The following HECTD4 variants were observed in gnomAD, a reference collection of about 807,000 sequenced individuals.
HECTD4 encodes the protein probable E3 ubiquitin-protein ligase HECTD4.
HECTD4 carries 114 observed loss-of-function variants against 471.5 expected under a neutral mutation model. The observed-to-expected ratio is 0.24, with a 90% CI of 0.21 to 0.28. The LOEUF is 0.28. Among genes scored for constraint, HECTD4 ranks in the 10% least tolerant of loss-of-function variants. The pLI, the probability that HECTD4 is intolerant of heterozygous loss-of-function variation, is 1.00. For synonymous variants in HECTD4, 2,012 were observed against 2,256.0 expected, an observed-to-expected ratio of 0.89 and a Z score of 3.07; for missense variants, 3,866 against 5,651.5, an observed-to-expected ratio of 0.68 and a Z score of 10.13.
chr12:112,371,901 A>AG (rs1236081981), intron 1 of HECTD4, among the ~76,000 whole-genome samples: 2 of 150,994 alleles, frequency 1.3e-5, no homozygotes, highest in African/African-American at 4.9e-5. Flanking sequence ...AAAAAAAAAA[A>AG]AAAAAAGAAA....
At chr12:112,240,747 A>AG (rs369353771) in intron 32 of HECTD4, among the ~76,000 whole-genome samples, 118 of 152,290 alleles carry the variant, frequency 7.7e-4, no homozygotes, top group African/African-American at 2.8e-3. Context: ...CACTGTGCCT[A>AG]GCCAAGGCAG....
rs771548262 is a variant in HECTD4 at position 112,172,852 on chromosome 12, G to A, written c.11604C>T (p.Cys3868=). The change falls in exon 67 of 76, where the codon TGC becomes TGT. Residue 3868 remains cysteine, a synonymous_variant. Coordinates refer to ENST00000682272, the MANE Select transcript of HECTD4 (RefSeq NM_001388303.1). ...GYDLHFERCA[C]IDVRHAQKAS... Reference sequence around the variant, plus strand: ...CCTTCTGTGCATGTCGGACATCGATGCATGCGCACCTTGGGGTGGGGACAG... The same window carrying A: ...CCTTCTGTGCATGTCGGACATCGATACATGCGCACCTTGGGGTGGGGACAG... 2 of 1,613,806 alleles carry A rather than the reference G, an allele frequency of 1.2e-6. No individual in the cohort carries two copies. The highest frequency in any genetic ancestry group is 1.7e-6 in the Non-Finnish European group (2 of 1,179,858).
At chr12:112,317,786 C>G (rs1204700280) in intron 2 of HECTD4, among the ~76,000 whole-genome samples, 3 of 151,902 alleles carry the variant, frequency 2.0e-5, no homozygotes, top group African/African-American at 7.3e-5. Context: ...TGAGACCAGC[C>G]TGGGCAACAA....
intron 34 of HECTD4, among the ~76,000 whole-genome samples, chr12:112,238,492 C>A (rs548344566): frequency 2.0e-5 from 3 of 152,124 alleles, no homozygotes; most frequent in Non-Finnish European, 4.4e-5. Context: ...CGCCAAGGCG[C>A]GAGGACTGCT....
chr12:112,308,271 T>A (rs186921347), intron 6 of HECTD4, among the ~76,000 whole-genome samples: 9 of 152,294 alleles, frequency 5.9e-5, no homozygotes, highest in African/African-American at 2.2e-4. Flanking sequence ...GCAAGTGCCA[T>A]GGCAGAGTGC....
chr12:112,333,908 C>T (rs984321971), intron 1 of HECTD4, among the ~76,000 whole-genome samples: 1 of 152,060 alleles, frequency 6.6e-6, no homozygotes, highest in East Asian at 1.9e-4. Context: ...TGAGAGAAAA[C>T]TTCACTTTAA....
chr12:112,293,216 A>G (rs562445502), intron 7 of HECTD4, among the ~76,000 whole-genome samples: 2 of 150,206 alleles, frequency 1.3e-5, no homozygotes, highest in Admixed American at 1.3e-4. Flanking sequence ...AAATACAAAA[A>G]TTAGCTGGGT....
intron 7 of HECTD4, among the ~76,000 whole-genome samples, chr12:112,302,862 C>CTGAA (rs1422740331): frequency 1.3e-5 from 2 of 152,072 alleles, no homozygotes; most frequent in African/African-American, 4.8e-5. Context: ...TTCCTATGTG[C>CTGAA]TGAACCCCTG....
At chr12:112,229,969 G>A (rs1204102577) in intron 40 of HECTD4, 89 bp from the exon 41 acceptor site, 2 of 1,244,176 alleles carry the variant, frequency 1.6e-6, no homozygotes, top group African/African-American at 3.1e-5. Flanking sequence ...CAGTGCCTGG[G>A]TCCCATGTAT....
chr12:112,258,321 C>G lies in HECTD4; in HGVS notation c.3128+175G>C, dbSNP rs573761277. On this transcript the variant is annotated intron_variant, in intron 20 of 75. Transcript: ENST00000682272. ...GATCCATGGGGAAATTTATGCTAAC[C>G]AGTTGCTATAAATCTACAAAGCAAT... The G allele has an allele frequency of 9.3e-6, 4 of 428,414 alleles. No individual in the cohort carries two copies. The South Asian group carries it at 2.2e-4, about 24-fold the overall frequency. 26.5% of individuals were successfully genotyped at this position (428,414 alleles called of 1,614,324 possible). A position where few individuals can be genotyped will look rare whatever the true frequency, so the allele number is the denominator to read the frequency against.
At chr12:112,181,182 T>G (rs920839284) in intron 62 of HECTD4, among the ~76,000 whole-genome samples, 2 of 151,286 alleles carry the variant, frequency 1.3e-5, no homozygotes, top group African/African-American at 4.9e-5. Context: ...AAAAAAAAAT[T>G]AACGTAAAAA....
chr12:112,335,461 G>C (rs2035937188), intron 1 of HECTD4, among the ~76,000 whole-genome samples: 1 of 152,134 alleles, frequency 6.6e-6, no homozygotes, highest in African/African-American at 2.4e-5. Flanking sequence ...GGGAGGCCGA[G>C]GTGGGCAGAT....
intron 17 of HECTD4, among the ~76,000 whole-genome samples, chr12:112,262,625 A>ATTATTATTT (rs146947965): frequency 2.7e-5 from 4 of 148,524 alleles, no homozygotes; most frequent in East Asian, 2.0e-4. Context: ...TATTATTATT[A>ATTATTATTT]TATTTTTTGA....
chr12:112,256,041 C>T (rs1028793321), intron 21 of HECTD4, among the ~76,000 whole-genome samples: 1 of 152,162 alleles, frequency 6.6e-6, no homozygotes, highest in Non-Finnish European at 1.5e-5. Flanking sequence ...TGAAAAGGAA[C>T]ATTTCCTTCC....
At chr12:112,295,141 A>AT (rs2034978482) in intron 7 of HECTD4, among the ~76,000 whole-genome samples, 1 of 111,112 alleles carries the variant, frequency 9.0e-6, no homozygotes, top group Non-Finnish European at 1.6e-5. Context: ...CCCGTCTGAA[A>AT]AAAAAAAAGA....
At chr12:112,300,332 GAAAA>G (rs1368508478) in intron 7 of HECTD4, among the ~76,000 whole-genome samples, 3 of 149,782 alleles carry the variant, frequency 2.0e-5, no homozygotes, top group Admixed American at 1.3e-4. Flanking sequence ...AAGAAAGAAA[GAAAA>G]AGAAAGAAAC....
Position 112,163,020 on chromosome 12 carries a change from C to G in HECTD4, c.13120+22G>C. 1 of 1,560,164 alleles carries G rather than the reference C, an allele frequency of 6.4e-7. No individual in the cohort carries two copies. The highest frequency in any genetic ancestry group is 8.8e-7 in the Non-Finnish European group (1 of 1,139,082). On this transcript the variant is annotated intron_variant, in intron 75 of 75. Transcript: ENST00000682272. The surrounding 1 kb of genome is among the most constrained non-coding windows in gnomAD (Gnocchi z 8.2). The stretch of plus-strand genomic sequence containing the variant: ...AAGGCTAGTGTGTCCCTACTTGGGA[C>G]ATGGCCAGGGGAGGGCGGTACCTGC...
intron 37 of HECTD4, 35 bp from the exon 38 acceptor site, chr12:112,233,120 T>A (rs1243594131): frequency 1.3e-6 from 2 of 1,559,894 alleles, no homozygotes. Context: ...CAGCACACCT[T>A]ACAGGCACTG....
intron 1 of HECTD4, among the ~76,000 whole-genome samples, chr12:112,335,948 G>T (rs1004669890): frequency 6.6e-6 from 1 of 151,972 alleles, no homozygotes; most frequent in Non-Finnish European, 1.5e-5. Flanking sequence ...ATCACAAAAA[G>T]AGACAAGCAG....
Sources: allele counts gnomAD v4.1 joint callset (sites outside exome capture counted in the v4.1 genomes callset), GRCh38; gene constraint gnomAD v4.1.1; non-coding constraint Gnocchi (gnomAD v3.1); transcripts MANE v1.5; gene names NCBI Gene and HGNC (gene_info 2026-07-23, HGNC 2026-07-21).